Variants in GLO1 observed in about 807,000 individuals in gnomAD.
GLO1 encodes the protein glyoxalase I.
A neutral mutation model predicts 26.0 loss-of-function variants in GLO1; 28 were observed. The observed-to-expected ratio is 1.08, with a 90% CI of 0.80 to 1.48. GLO1 has a LOEUF of 1.48. Ranked by LOEUF, GLO1 falls within the 40% of genes most tolerant of loss-of-function variation. The probability of loss-of-function intolerance (pLI) is 0.00; values close to 1 mark genes in which losing one functional copy is unlikely to be tolerated. For synonymous variants in GLO1, 78 were observed against 77.6 expected, an observed-to-expected ratio of 1.00 and a Z score of -0.03; for missense variants, 225 against 224.8, an observed-to-expected ratio of 1.00 and a Z score of -0.01.
At position 38,693,681 on chromosome 6, in the gene GLO1, C is replaced by CTA. The variant is rs1200341644; in HGVS notation, c.85-6708_85-6707insTA. Among the ~76,000 whole-genome samples the CTA allele has an allele frequency of 5.5e-3, 520 of 94,294 alleles. 3 individuals carry two copies. The highest frequency in any genetic ancestry group is 0.021 in the Admixed American group (205 of 9,628). 61.9% of individuals were successfully genotyped at this position (94,294 alleles called of 152,430 possible). On this transcript the variant is annotated intron_variant, in intron 1 of 5. Coordinates refer to ENST00000373365, the MANE Select transcript of GLO1 (RefSeq NM_006708.3). ...CAGCTCTCTCTCTCTCTCTCTCTCT[C>CTA]TCTCTATATATATATATATATATAT...
chr6:38,687,688 T>C (rs994665316), intron 1 of GLO1, among the ~76,000 whole-genome samples: 1 of 152,226 alleles, frequency 6.6e-6, no homozygotes, highest in African/African-American at 2.4e-5. Flanking sequence ...TTAAGATTAT[T>C]AATAGCATTA....
Position 38,694,242 on chromosome 6 carries a change from C to T in GLO1, c.85-7268G>A, listed in dbSNP as rs190215971. Among the ~76,000 whole-genome samples the T allele has an allele frequency of 2.9e-3, 440 of 152,150 alleles. 2 individuals are homozygous for T. The highest frequency in any genetic ancestry group is 0.01 in the African/African-American group (426 of 41,508). ...ATGGTCTACTTTGGTATATTTTCTA[C>T]AGACACTTGGAAAAAAAAAGGGGAA... is the stretch of plus-strand genomic sequence containing the variant. On this transcript the variant is annotated intron_variant, in intron 1 of 5. Transcript: ENST00000373365.
At chr6:38,690,798 C>T (rs1761518722) in intron 1 of GLO1, among the ~76,000 whole-genome samples, 1 of 151,986 alleles carries the variant, frequency 6.6e-6, no homozygotes, top group Non-Finnish European at 1.5e-5. Flanking sequence ...TCCTTTGCTA[C>T]AAATTGTTAA....
Position 38,703,010 on chromosome 6 carries a change from G to T in GLO1, c.45C>A (p.Ala15=). ...CCGCGTCGGAGCAGCAACTGAGGGCGGCCTCGTCCGTGAGGCCGCCGGACG... is the reference window on the plus strand; with the variant it reads ...CCGCGTCGGAGCAGCAACTGAGGGCTGCCTCGTCCGTGAGGCCGCCGGACG... ...QPPSGGLTDE[A]ALSCCSDADP... is the part of the protein sequence containing the mutation. The change falls in exon 1 of 6, where the codon GCC becomes GCA. Residue 15 remains alanine (A), a synonymous_variant. Coordinates refer to ENST00000373365, the MANE Select transcript of GLO1 (RefSeq NM_006708.3). 1.9e-6 allele frequency: 3 copies of T among 1,598,416 alleles called. No individual in the cohort carries two copies. Among genetic ancestry groups the T allele is most frequent in the Non-Finnish European group, 2.6e-6 (3 of 1,169,490 alleles).
chr6:38,685,824 T>G (rs908567254), intron 2 of GLO1, among the ~76,000 whole-genome samples: 1 of 152,190 alleles, frequency 6.6e-6, no homozygotes, highest in Non-Finnish European at 1.5e-5. Context: ...TGTACCCTAT[T>G]TGGGGGCTCT....
At chr6:38,679,094 A>G (rs1761324089) in intron 5 of GLO1, among the ~76,000 whole-genome samples, 1 of 152,194 alleles carries the variant, frequency 6.6e-6, no homozygotes, top group Non-Finnish European at 1.5e-5. Flanking sequence ...AACAGAAGAA[A>G]TATTAGAATA....
At chr6:38,690,870 A>T (rs897030854) in intron 1 of GLO1, among the ~76,000 whole-genome samples, 2 of 152,234 alleles carry the variant, frequency 1.3e-5, no homozygotes, top group Admixed American at 6.5e-5. Flanking sequence ...CTATGCTCAG[A>T]TAACAGTTTT....
chr6:38,702,590 G>A (rs2127549736), intron 1 of GLO1, among the ~76,000 whole-genome samples: 1 of 152,316 alleles, frequency 6.6e-6, no homozygotes. Flanking sequence ...AAGGAAAAAC[G>A]AGGCTGGGCA....
At chr6:38,687,079 C>T (rs1214299642) in intron 1 of GLO1, 105 bp from the exon 2 acceptor site, 16 of 1,481,264 alleles carry the variant, frequency 1.1e-5, no homozygotes, top group Middle Eastern at 2.5e-4. Flanking sequence ...TAACCTACCA[C>T]CTACAACTTG....
chr6:38,680,288 G>A (rs1761351247), intron 5 of GLO1, among the ~76,000 whole-genome samples: 1 of 152,110 alleles, frequency 6.6e-6, no homozygotes, highest in South Asian at 2.1e-4. Flanking sequence ...TTGGGAGGCT[G>A]AGGCAGGCGG....
chr6:38,696,913 CCTT>C (rs944279488), intron 1 of GLO1, among the ~76,000 whole-genome samples: 6 of 150,668 alleles, frequency 4.0e-5, no homozygotes, highest in South Asian at 2.1e-4. Context: ...CAACAGAAAG[CCTT>C]CTTCTTTTTT....
chr6:38,682,410 T>C (rs1079606), intron 4 of GLO1, among the ~76,000 whole-genome samples: 2,856 of 152,254 alleles, frequency 0.019, 46 homozygotes, highest in Non-Finnish European at 0.029. Context: ...TAATACTTAA[T>C]AGGTTTGTGG....
chr6:38,678,308 G>C (rs1409774990), intron 5 of GLO1, among the ~76,000 whole-genome samples: 1 of 142,282 alleles, frequency 7.0e-6, no homozygotes, highest in Non-Finnish European at 1.5e-5. Context: ...GCAGGAAAAA[G>C]AAAGAAAGAG....
At chr6:38,694,883 C>T (rs1761586848) in intron 1 of GLO1, among the ~76,000 whole-genome samples, 1 of 152,066 alleles carries the variant, frequency 6.6e-6, no homozygotes, top group African/African-American at 2.4e-5. Context: ...TTTTCTTTGC[C>T]CCAAAGTCTA....
At chr6:38,695,447 G>A (rs1203365421) in intron 1 of GLO1, among the ~76,000 whole-genome samples, 1 of 152,002 alleles carries the variant, frequency 6.6e-6, no homozygotes, top group African/African-American at 2.4e-5. Context: ...GTTTGAACAA[G>A]GTACAGAAAC....
intron 1 of GLO1, among the ~76,000 whole-genome samples, chr6:38,701,667 T>C (rs1396343468): frequency 1.3e-5 from 2 of 152,166 alleles, no homozygotes; most frequent in African/African-American, 4.8e-5. Flanking sequence ...AATTTTGCAA[T>C]GACTAACATT....
intron 1 of GLO1, among the ~76,000 whole-genome samples, chr6:38,695,378 T>G (rs1761595079): frequency 1.3e-5 from 2 of 152,140 alleles, no homozygotes; most frequent in Admixed American, 1.3e-4. Flanking sequence ...CATATACCCA[T>G]GTATATGTAT....
chr6:38,681,388 T>TA (rs1418387764), intron 5 of GLO1, among the ~76,000 whole-genome samples: 6 of 152,104 alleles, frequency 3.9e-5, no homozygotes, highest in African/African-American at 1.4e-4. Flanking sequence ...TTAATTTTTT[T>TA]AAAAAAGGAT....
chr6:38,682,019 AGGT>A lies in GLO1; in HGVS notation c.456_458del (p.Lys152_Pro153delinsAsn). 6.7e-7 allele frequency: 1 copy of A among 1,493,912 alleles called. No homozygotes were observed. The highest frequency in any genetic ancestry group is 9.3e-7 in the Non-Finnish European group (1 of 1,070,332). The allele number at this position is 1,493,912 out of a possible 1,614,324, so 92.5% of individuals were successfully genotyped here. A position where few individuals can be genotyped will look rare whatever the true frequency, so the allele number is the denominator to read the frequency against. Reference sequence around the variant, plus strand: ...AGTAAGTAGTAGACTCACCATCATCAGGTTTCTTCACAAATTTGACTCCCAGTT... The same window carrying A: ...AGTAAGTAGTAGACTCACCATCATCATTCTTCACAAATTTGACTCCCAGTT... On this transcript the variant is annotated inframe_deletion, in exon 5 of 6. Transcript: ENST00000373365.
Sources: allele counts gnomAD v4.1 joint callset (sites outside exome capture counted in the v4.1 genomes callset), GRCh38; gene constraint gnomAD v4.1.1; transcripts MANE v1.5; gene names NCBI Gene and HGNC (gene_info 2026-07-23, HGNC 2026-07-21).